PHACTR1: variants seen among roughly 807,000 people sequenced by gnomAD.
The protein encoded by PHACTR1 is phosphatase and actin regulator 1, also known as RPEL repeat containing 1.
In PHACTR1, 16 loss-of-function variants were observed where a neutral mutation model predicts 69.2. The observed-to-expected ratio is 0.23, with a 90% CI of 0.16 to 0.35. The LOEUF is 0.35. Among genes scored for constraint, PHACTR1 ranks in the 10% least tolerant of loss-of-function variants. The pLI is 1.00. For synonymous variants in PHACTR1, 312 were observed against 284.5 expected, an observed-to-expected ratio of 1.10 and a Z score of -0.97; for missense variants, 510 against 734.7, an observed-to-expected ratio of 0.69 and a Z score of 3.54.
At chr6:13,095,317 T>C (rs75221429) in intron 5 of PHACTR1, among the ~76,000 whole-genome samples, 4,228 of 152,256 alleles carry the variant, frequency 0.028, 178 homozygotes, top group African/African-American at 0.093. Flanking sequence ...AATAAGCAAA[T>C]AGAGAACAGA....
intron 4 of PHACTR1, among the ~76,000 whole-genome samples, chr6:13,044,919 C>G (rs1385351947): frequency 6.7e-6 from 1 of 149,544 alleles, no homozygotes; most frequent in Non-Finnish European, 1.5e-5. Flanking sequence ...AGGGCACCTA[C>G]AGACAGGTGT....
intron 8 of PHACTR1, among the ~76,000 whole-genome samples, chr6:13,223,905 T>G (rs1271591961): frequency 6.6e-6 from 1 of 152,182 alleles, no homozygotes; most frequent in East Asian, 1.9e-4. Context: ...ATGCCCTTTT[T>G]GTCATTGCCA....
Position 13,278,087 on chromosome 6 carries a change from A to G in PHACTR1, c.1448-181A>G, listed in dbSNP as rs1439487956. 3 of 529,588 alleles carry G rather than the reference A, an allele frequency of 5.7e-6. No homozygotes were observed. In the African/African-American group the frequency reaches 5.8e-5, roughly 10 times the overall value. The allele number at this position is 529,588 out of a possible 1,614,324, so 32.8% of individuals were successfully genotyped here. ...GCCTGCTCAGTAGCAATTTGAAACA[A>G]CGCAGGTAGTTTGGAAAGCAATCCC... On this transcript the variant is annotated intron_variant, in intron 11 of 14. Coordinates refer to ENST00000332995, the MANE Select transcript of PHACTR1 (RefSeq NM_030948.6).
chr6:12,817,445 C>G (rs768067447), intron 4 of PHACTR1, among the ~76,000 whole-genome samples: 4 of 152,240 alleles, frequency 2.6e-5, no homozygotes, highest in Non-Finnish European at 5.9e-5. Flanking sequence ...AGATTGAAAC[C>G]GGGCTCTGCC....
chr6:12,953,183 C>A (rs1266490429), intron 4 of PHACTR1, among the ~76,000 whole-genome samples: 1 of 152,110 alleles, frequency 6.6e-6, no homozygotes, highest in Non-Finnish European at 1.5e-5. Flanking sequence ...ATTAGCCGGG[C>A]TTGGTGGCTG....
intron 4 of PHACTR1, among the ~76,000 whole-genome samples, chr6:12,808,784 CCTTCTCCTCCTTCTTCTCCTTCTT>C (rs1561902206): frequency 6.7e-6 from 1 of 150,246 alleles, no homozygotes; most frequent in African/African-American, 2.5e-5. Context: ...TTCTCCTTCT[CCTTCTCCTCCTTCTTCTCCTTCTT>C]CTCCTTCTTA....
chr6:12,787,948 G>T (rs969936914), intron 4 of PHACTR1, among the ~76,000 whole-genome samples: 6 of 152,160 alleles, frequency 3.9e-5, no homozygotes, highest in Non-Finnish European at 8.8e-5. Flanking sequence ...CCTGAGGTCA[G>T]GAGTACGAGA....
chr6:12,808,119 T>C (rs929648865), intron 4 of PHACTR1, among the ~76,000 whole-genome samples: 1 of 152,168 alleles, frequency 6.6e-6, no homozygotes, highest in Admixed American at 6.5e-5. Context: ...TAAAAAAGTA[T>C]TTTGTCACCT....
At chr6:13,097,403 G>A (rs1335993543) in intron 5 of PHACTR1, among the ~76,000 whole-genome samples, 1 of 152,008 alleles carries the variant, frequency 6.6e-6, no homozygotes, top group Non-Finnish European at 1.5e-5. Context: ...AGGAATGCTT[G>A]TATTCTAAAA....
chr6:12,759,724 A>G (rs1767819574), intron 4 of PHACTR1, among the ~76,000 whole-genome samples: 3 of 152,214 alleles, frequency 2.0e-5, no homozygotes, highest in Non-Finnish European at 4.4e-5. Flanking sequence ...AGTTTTTGAT[A>G]CTTTATGTAG....
intron 5 of PHACTR1, among the ~76,000 whole-genome samples, chr6:13,100,133 A>G (rs1463947130): frequency 6.6e-6 from 1 of 152,230 alleles, no homozygotes; most frequent in Non-Finnish European, 1.5e-5. Flanking sequence ...ATGCCCCTAC[A>G]TCAATCAAAA....
At chr6:12,843,634 A>G (rs1368607130) in intron 4 of PHACTR1, among the ~76,000 whole-genome samples, 1 of 152,206 alleles carries the variant, frequency 6.6e-6, no homozygotes, top group African/African-American at 2.4e-5. Context: ...CTCAATGCCA[A>G]TGAGAATAAG....
chr6:12,786,628 A>G (rs942351806), intron 4 of PHACTR1, among the ~76,000 whole-genome samples: 15 of 152,228 alleles, frequency 9.9e-5, no homozygotes, highest in Non-Finnish European at 2.1e-4. Flanking sequence ...CACAGAAGCT[A>G]GAGACCTGGA....
intron 5 of PHACTR1, among the ~76,000 whole-genome samples, chr6:13,138,789 G>A (rs1019314053): frequency 1.3e-5 from 2 of 152,168 alleles, no homozygotes; most frequent in Non-Finnish European, 2.9e-5. Flanking sequence ...TGGAGCCTTC[G>A]ATTGTATGTT....
chr6:12,815,239 G>A (rs1320891986), intron 4 of PHACTR1, among the ~76,000 whole-genome samples: 1 of 152,148 alleles, frequency 6.6e-6, no homozygotes, highest in East Asian at 1.9e-4. Flanking sequence ...CTGAAGCAAT[G>A]CAAATGGTTG....
intron 4 of PHACTR1, among the ~76,000 whole-genome samples, chr6:12,851,454 A>G (rs1260757744): frequency 1.3e-5 from 2 of 152,242 alleles, no homozygotes; most frequent in Admixed American, 1.3e-4. Flanking sequence ...CAATCAGCCA[A>G]CAGCCTACAG....
rs374211592 is a variant in PHACTR1, at chr6:12,828,551, T to C, written c.250+78761T>C. Among the ~76,000 whole-genome samples, 16 of 152,162 alleles carry C rather than the reference T, an allele frequency of 1.1e-4. No homozygotes were observed. In the East Asian group the frequency reaches 3.1e-3, roughly 29 times the overall value. ...GTATTTTAAATCCACACCAGAGACC[T>C]TTGTAGGGTATAATATTCTTGCCAA... is the stretch of plus-strand genomic sequence containing the variant. On this transcript the variant is annotated intron_variant, in intron 4 of 14. Transcript: ENST00000332995.
intron 4 of PHACTR1, among the ~76,000 whole-genome samples, chr6:12,779,602 TG>T (rs1561874484): frequency 1.3e-5 from 2 of 152,208 alleles, no homozygotes. Context: ...CCTAATTTCA[TG>T]GCAATCTTCC....
chr6:13,021,770 G>A (rs1801009857), intron 4 of PHACTR1, among the ~76,000 whole-genome samples: 1 of 152,206 alleles, frequency 6.6e-6, no homozygotes, highest in South Asian at 2.1e-4. Context: ...GACTGAGTTG[G>A]TGGTCAAGAA....
Sources: allele counts gnomAD v4.1 joint callset (sites outside exome capture counted in the v4.1 genomes callset), GRCh38; gene constraint gnomAD v4.1.1; transcripts MANE v1.5; gene names NCBI Gene and HGNC (gene_info 2026-07-23, HGNC 2026-07-21).